Variants in CACNA2D3 observed in about 807,000 individuals in gnomAD.
CACNA2D3 encodes voltage-dependent calcium channel subunit alpha-2/delta-3.
A neutral mutation model predicts 160.6 loss-of-function variants in CACNA2D3; 60 were observed. That is an observed-to-expected ratio of 0.37 (90% CI 0.30 to 0.46). The LOEUF (loss-of-function observed/expected upper bound fraction) is 0.46, where lower values mean the gene tolerates loss of function less well. Among genes scored for constraint, CACNA2D3 ranks in the 20% least tolerant of loss-of-function variants. The pLI is 1.00. For synonymous variants in CACNA2D3, 558 were observed against 492.9 expected, an observed-to-expected ratio of 1.13 and a Z score of -1.75; for missense variants, 1,205 against 1,365.0, an observed-to-expected ratio of 0.88 and a Z score of 1.85.
At chr3:54,686,656 C>T (rs1575423024) in intron 11 of CACNA2D3, among the ~76,000 whole-genome samples, 1 of 152,022 alleles carries the variant, frequency 6.6e-6, no homozygotes, top group East Asian at 1.9e-4. Context: ...TTTACATTTC[C>T]AATGAAAGCA....
chr3:54,744,179 C>T (rs1198110889), intron 11 of CACNA2D3, among the ~76,000 whole-genome samples: 1 of 152,188 alleles, frequency 6.6e-6, no homozygotes, highest in East Asian at 1.9e-4. Context: ...GATATCTGCT[C>T]TGCACAAAAC....
chr3:54,219,675 C>T (rs762045543), intron 2 of CACNA2D3, among the ~76,000 whole-genome samples: 10 of 152,048 alleles, frequency 6.6e-5, no homozygotes, highest in Non-Finnish European at 1.5e-4. Context: ...CCTGCATAAG[C>T]ATTTTGGGCT....
chr3:54,605,471 C>A (rs1698584513), intron 9 of CACNA2D3, among the ~76,000 whole-genome samples: 1 of 152,180 alleles, frequency 6.6e-6, no homozygotes, highest in Admixed American at 6.5e-5. Context: ...ACTTTTCCAG[C>A]CAAGGACTTG....
chr3:54,942,825 C>G (rs1701507863), intron 27 of CACNA2D3, among the ~76,000 whole-genome samples: 1 of 152,082 alleles, frequency 6.6e-6, no homozygotes, highest in African/African-American at 2.4e-5. Context: ...GAGATTGAGA[C>G]AATCCTGGCT....
In CACNA2D3 at chr3:54,646,134, CCTTCCT is replaced by C. The variant is rs1559537827; in HGVS notation, c.1167+3894_1167+3899del. 1.2e-3 allele frequency among the ~76,000 whole-genome samples: 33 copies of C among 28,396 alleles called. 3 individuals are homozygous for C. Among genetic ancestry groups the C allele is most frequent in the Admixed American group, 5.9e-3 (11 of 1,852 alleles). 18.6% of individuals were successfully genotyped at this position (28,396 alleles called of 152,430 possible). On this transcript the variant is annotated intron_variant, in intron 11 of 37. Coordinates refer to ENST00000474759, the MANE Select transcript of CACNA2D3 (RefSeq NM_018398.3). ...TCCTTCCTTCCTTCCTTTCTTCCTT[CCTTCCT>C]TCCTTCCTTCCCTCCCTCCCTCCCT...
intron 4 of CACNA2D3, among the ~76,000 whole-genome samples, chr3:54,443,736 T>C (rs1700179046): frequency 1.3e-5 from 2 of 152,210 alleles, no homozygotes; most frequent in South Asian, 4.1e-4. Context: ...CATTCGTCTC[T>C]TGCCATGTCT....
chr3:54,301,026 A>G (rs1703463583), intron 2 of CACNA2D3, among the ~76,000 whole-genome samples: 1 of 146,750 alleles, frequency 6.8e-6, no homozygotes, highest in Non-Finnish European at 1.5e-5. Context: ...TGTCCCTTTA[A>G]AAAAAAAAAA....
At chr3:54,843,201 A>C (rs1197699472) in intron 16 of CACNA2D3, among the ~76,000 whole-genome samples, 1 of 152,090 alleles carries the variant, frequency 6.6e-6, no homozygotes, top group Non-Finnish European at 1.5e-5. Context: ...ACCTCAGGTG[A>C]TCCACCTGCC....
chr3:54,441,599 G>C lies in CACNA2D3; in HGVS notation c.381+54825G>C, dbSNP rs555662867. ...TGAATGGTATTGCCTAGGTTTTCTT[G>C]TAGGGTTTTTATGGTTTTAGGTCTA... is the stretch of plus-strand genomic sequence containing the variant. On this transcript the variant is annotated intron_variant, in intron 4 of 37. Coordinates refer to ENST00000474759, the MANE Select transcript of CACNA2D3 (RefSeq NM_018398.3). Among the ~76,000 whole-genome samples, 449 of 152,198 alleles carry C rather than the reference G, an allele frequency of 3.0e-3. 4 individuals are homozygous for C. The highest frequency in any genetic ancestry group is 4.9e-3 in the Non-Finnish European group (335 of 67,984).
chr3:54,600,827 C>A (rs755791312), intron 9 of CACNA2D3, among the ~76,000 whole-genome samples: 1 of 151,818 alleles, frequency 6.6e-6, no homozygotes, highest in Admixed American at 6.6e-5. Flanking sequence ...AACATTTCAC[C>A]AGTGCAGCCC....
chr3:54,406,702 C>G (rs1474805506), intron 4 of CACNA2D3, among the ~76,000 whole-genome samples: 2 of 151,664 alleles, frequency 1.3e-5, no homozygotes, highest in Non-Finnish European at 2.9e-5. Flanking sequence ...TCAAAGAATA[C>G]AAAATAGCAA....
rs563608329 is a variant in CACNA2D3 at position 54,348,392 on chromosome 3, T to C, written c.321+27834T>C. On this transcript the variant is annotated intron_variant, in intron 3 of 37. Coordinates refer to ENST00000474759, the MANE Select transcript of CACNA2D3 (RefSeq NM_018398.3). ...TTTAACTGCAAGATAAAATATTTTT[T>C]GATTGACAGAGTCTCCATACTCAAG... is the stretch of plus-strand genomic sequence containing the variant. 2.6e-5 allele frequency among the ~76,000 whole-genome samples: 4 copies of C among 152,380 alleles called. No individual in the cohort carries two copies. In the East Asian group the frequency reaches 7.7e-4, roughly 29 times the overall value.
chr3:54,392,085 A>G (rs920172172), intron 4 of CACNA2D3, among the ~76,000 whole-genome samples: 1 of 152,282 alleles, frequency 6.6e-6, no homozygotes, highest in East Asian at 1.9e-4. Flanking sequence ...ATACTACCCT[A>G]TGTCTCAGTT....
intron 2 of CACNA2D3, among the ~76,000 whole-genome samples, chr3:54,245,070 C>T (rs1295583612): frequency 6.6e-6 from 1 of 152,194 alleles, no homozygotes; most frequent in Non-Finnish European, 1.5e-5. Context: ...TGCCAGTTTA[C>T]ACCTGTTGTC....
At chr3:55,007,669 T>C (rs17321866) in intron 32 of CACNA2D3, 121 bp from the exon 33 acceptor site, 94,493 of 661,792 alleles carry the variant, frequency 0.14, 7,329 homozygotes, top group African/African-American at 0.19. Flanking sequence ...AACGCCACTG[T>C]TTTTTAACAT....
At chr3:54,424,648 T>C (rs556180757) in intron 4 of CACNA2D3, among the ~76,000 whole-genome samples, 36 of 152,256 alleles carry the variant, frequency 2.4e-4, no homozygotes, top group Non-Finnish European at 4.9e-4. Context: ...GGCTCTGTAC[T>C]CTGGGGATGG....
At chr3:54,870,440 A>G (rs750815992) in intron 17 of CACNA2D3, among the ~76,000 whole-genome samples, 34 of 152,312 alleles carry the variant, frequency 2.2e-4, no homozygotes, top group Middle Eastern at 3.4e-3. Flanking sequence ...AGCAGTATAC[A>G]TGCATATATA....
chr3:54,270,983 AG>A (rs1702611807), intron 2 of CACNA2D3, among the ~76,000 whole-genome samples: 1 of 152,248 alleles, frequency 6.6e-6, no homozygotes, highest in Non-Finnish European at 1.5e-5. Flanking sequence ...ATATAAAATC[AG>A]GAACAGTAAG....
chr3:54,375,445 G>T (rs1461312522), intron 3 of CACNA2D3, among the ~76,000 whole-genome samples: 3 of 152,102 alleles, frequency 2.0e-5, no homozygotes, highest in East Asian at 1.9e-4. Context: ...TTGTTAGGGG[G>T]TGGGGTGGGG....
Sources: gnomAD v4.1 joint callset for allele counts (sites outside exome capture counted in the v4.1 genomes callset) on GRCh38, gnomAD v4.1.1 for gene constraint, MANE v1.5 for transcripts, NCBI Gene and HGNC (gene_info 2026-07-23, HGNC 2026-07-21) for gene names.